Variants in JAK2 observed in about 807,000 individuals in gnomAD.
JAK2 encodes the protein tyrosine-protein kinase JAK2.
In JAK2, 86 loss-of-function variants were observed where a neutral mutation model predicts 139.3. The observed-to-expected ratio is 0.62, with a 90% confidence interval of 0.52 to 0.74. JAK2 has a LOEUF of 0.74. Among genes scored for constraint, JAK2 ranks in the 30% least tolerant of loss-of-function variants. The pLI, the probability that JAK2 is intolerant of heterozygous loss-of-function variation, is 0.00. For missense variants in JAK2, 1,421 were observed against 1,360.3 expected (o/e 1.04, Z -0.70); for synonymous variants, 490 against 437.7 (o/e 1.12, Z -1.49).
chr9:5,016,991 A>G (rs926367146), intron 2 of JAK2, among the ~76,000 whole-genome samples: 1 of 152,242 alleles, frequency 6.6e-6, no homozygotes, highest in African/African-American at 2.4e-5. Context: ...TTTGATCAAG[A>G]TAAAGAAGAA....
chr9:4,998,490 C>CAG (rs1298269324), intron 2 of JAK2, among the ~76,000 whole-genome samples: 1 of 152,038 alleles, frequency 6.6e-6, no homozygotes, highest in East Asian at 1.9e-4. Context: ...CTCCTGACCT[C>CAG]GTGATCCGCC....
In JAK2 at chr9:4,985,639, T is replaced by TA. The variant is rs1258476974; in HGVS notation, c.-109+10dup. 6.6e-6 allele frequency: 1 copy of TA among 152,336 alleles called. No individual in the cohort carries two copies. Among genetic ancestry groups the TA allele is most frequent in the African/African-American group, 2.4e-5 (1 of 41,362 alleles). The allele number at this position is 152,336 out of a possible 1,614,324, so 9.4% of individuals were successfully genotyped here. ...CCCGATCTGTGTAGCCGGTGGGTGT[T>TA]ATCTCTGCCTGGCTTCTGGGTGGGG... On this transcript the variant is annotated intron_variant, in intron 1 of 24. Coordinates refer to ENST00000381652, the MANE Select transcript of JAK2 (RefSeq NM_004972.4).
rs1312439674 is a variant in JAK2, at chr9:5,022,229, C to T, written c.226+16C>T. 3.2e-6 allele frequency: 5 copies of T among 1,564,830 alleles called. No individual in the cohort carries two copies. Among genetic ancestry groups the T allele is most frequent in the Middle Eastern group, 3.3e-4 (2 of 5,986 alleles). On this transcript the variant is annotated intron_variant, in intron 3 of 24. Coordinates refer to ENST00000381652, the MANE Select transcript of JAK2 (RefSeq NM_004972.4). ...AAAGCTTGTGGTAAGTATTAAAAAA[C>T]AGCATTTTCCTTTTTATGCATGGAT...
intron 2 of JAK2, among the ~76,000 whole-genome samples, chr9:5,000,770 T>A (rs1324977207): frequency 2.6e-5 from 4 of 152,204 alleles, no homozygotes; most frequent in African/African-American, 9.6e-5. Context: ...ATCTTCTTGT[T>A]TGATATATTT....
chr9:5,023,576 G>T (rs907526148), intron 3 of JAK2, among the ~76,000 whole-genome samples: 1 of 152,208 alleles, frequency 6.6e-6, no homozygotes, highest in Non-Finnish European at 1.5e-5. Context: ...GGGGTTCACA[G>T]TAGGAATGTG....
chr9:5,112,003 C>T (rs547644618), intron 22 of JAK2: 5 of 380,852 alleles, frequency 1.3e-5, no homozygotes, highest in South Asian at 2.0e-5. Flanking sequence ...GGAGGGACGT[C>T]GCACTAGCCT....
chr9:5,031,496 T>A lies in JAK2; in HGVS notation c.350+1590T>A, dbSNP rs79132037. On this transcript the variant is annotated intron_variant, in intron 4 of 24. Coordinates refer to ENST00000381652, the MANE Select transcript of JAK2 (RefSeq NM_004972.4). ...GGAGAGATTAGTCAACAAATGGTGG[T>A]AGAATAGTTGATTAGCTGTTTGAAT... 3.4e-4 allele frequency among the ~76,000 whole-genome samples: 52 copies of A among 152,298 alleles called. No homozygotes were observed. The East Asian group carries it at 7.9e-3, about 23-fold the overall frequency.
chr9:5,056,813 T>A (rs1817798594), intron 8 of JAK2, among the ~76,000 whole-genome samples: 1 of 152,202 alleles, frequency 6.6e-6, no homozygotes, highest in Non-Finnish European at 1.5e-5. Flanking sequence ...AAAGAACTTC[T>A]CCATGGGACT....
intron 2 of JAK2, among the ~76,000 whole-genome samples, chr9:4,989,790 C>T (rs912063708): frequency 1.3e-5 from 2 of 152,020 alleles, no homozygotes; most frequent in Non-Finnish European, 2.9e-5. Flanking sequence ...GAGAGCAGTA[C>T]ATAAATAACT....
chr9:5,098,437 C>G (rs1357895260), intron 22 of JAK2: 1 of 152,086 alleles, frequency 6.6e-6, no homozygotes, highest in Non-Finnish European at 1.5e-5. Flanking sequence ...AATTATTTTC[C>G]TAATTAGTTC....
intron 19 of JAK2, among the ~76,000 whole-genome samples, chr9:5,082,091 G>C (rs942022738): frequency 6.6e-5 from 10 of 152,142 alleles, no homozygotes; most frequent in Non-Finnish European, 1.5e-4. Flanking sequence ...TGGGACCAGA[G>C]ACTGAGAAAA....
intron 22 of JAK2, among the ~76,000 whole-genome samples, chr9:5,106,965 G>A (rs1468920344): frequency 6.6e-6 from 1 of 152,088 alleles, no homozygotes; most frequent in Non-Finnish European, 1.5e-5. Context: ...AATCAACATG[G>A]CACATGTATA....
intron 3 of JAK2, among the ~76,000 whole-genome samples, chr9:5,027,087 C>T (rs139777527): frequency 2.6e-5 from 4 of 152,234 alleles, no homozygotes; most frequent in African/African-American, 9.6e-5. Flanking sequence ...ACCTCCAGTT[C>T]AGGGAAACTT....
chr9:5,045,850 G>C (rs1381663698), intron 5 of JAK2, among the ~76,000 whole-genome samples: 1 of 152,072 alleles, frequency 6.6e-6, no homozygotes, highest in Non-Finnish European at 1.5e-5. Flanking sequence ...CTGTGAACAT[G>C]GGTAAACAAA....
chr9:4,992,964 C>G lies in JAK2; in HGVS notation c.-26+6942C>G, dbSNP rs80222311. Reference sequence around the variant, plus strand: ...CTTCTGAATTATTTATCTCCCCCACCCCTGCACCCAACCCATATAAATTGC... The same window carrying G: ...CTTCTGAATTATTTATCTCCCCCACGCCTGCACCCAACCCATATAAATTGC... On this transcript the variant is annotated intron_variant, in intron 2 of 24. Coordinates refer to ENST00000381652, the MANE Select transcript of JAK2 (RefSeq NM_004972.4). Among the ~76,000 whole-genome samples, 1,237 of 152,256 alleles carry G rather than the reference C, an allele frequency of 8.1e-3. 18 individuals are homozygous for G. The highest frequency in any genetic ancestry group is 0.028 in the African/African-American group (1,144 of 41,526).
At chr9:5,058,042 G>A (rs1291102565) in intron 8 of JAK2, among the ~76,000 whole-genome samples, 2 of 152,012 alleles carry the variant, frequency 1.3e-5, no homozygotes, top group African/African-American at 4.8e-5. Context: ...TTTAATATAT[G>A]TATGTATTCT....
chr9:5,064,856 C>G (rs2130490968), intron 8 of JAK2, 27 bp from the exon 9 acceptor site: 1 of 1,481,558 alleles, frequency 6.7e-7, no homozygotes, highest in Non-Finnish European at 9.0e-7. Flanking sequence ...CTAAAAGGTG[C>G]TATTTCTTTT....
At chr9:5,099,930 G>C (rs932506625) in intron 22 of JAK2, 4 of 152,070 alleles carry the variant, frequency 2.6e-5, no homozygotes, top group African/African-American at 9.7e-5. Context: ...AAAACTCCTT[G>C]GCTGGCTTTT....
In JAK2 at chr9:5,066,774, G is replaced by A; in HGVS notation, c.1311G>A (p.Leu437=). 1.3e-6 allele frequency: 2 copies of A among 1,547,694 alleles called. No individual in the cohort carries two copies. Among genetic ancestry groups the A allele is most frequent in the Non-Finnish European group, 1.7e-6 (2 of 1,146,110 alleles). ...CTAAGGACTTTAATAAATATTTTTTGACTTTTGCTGTCGAGGTTAGTATGT... is the reference window on the plus strand; with the variant it reads ...CTAAGGACTTTAATAAATATTTTTTAACTTTTGCTGTCGAGGTTAGTATGT... ...CSPKDFNKYF[L]TFAVERENVI... is the part of the protein sequence containing the mutation. The change falls in exon 10 of 25, where the codon TTG becomes TTA. Residue 437 remains leucine, a synonymous_variant. Transcript: ENST00000381652.
Sources: gnomAD v4.1 joint callset for allele counts (sites outside exome capture counted in the v4.1 genomes callset) on GRCh38, gnomAD v4.1.1 for gene constraint, MANE v1.5 for transcripts, NCBI Gene and HGNC (gene_info 2026-07-23, HGNC 2026-07-21) for gene names.